The following ZNF385D variants were observed in gnomAD, a reference collection of about 807,000 sequenced individuals.
The protein encoded by ZNF385D is zinc finger protein 659.
ZNF385D carries 15 observed loss-of-function variants against 35.8 expected under a neutral mutation model. The observed-to-expected ratio is 0.42, with a 90% CI of 0.28 to 0.64. The LOEUF is 0.64. ZNF385D is among the 30% of genes least tolerant of loss of function. ZNF385D has a pLI of 0.23. For synonymous variants in ZNF385D, 212 were observed against 186.8 expected (o/e 1.13, Z -1.10); for missense variants, 474 against 494.6 (o/e 0.96, Z 0.39).
chr3:22,272,589 A>G (rs1017549625), intron 2 of ZNF385D, among the ~76,000 whole-genome samples: 3 of 152,016 alleles, frequency 2.0e-5, no homozygotes, highest in Non-Finnish European at 4.4e-5. Context: ...TAGTTTAGGT[A>G]TGGGCATTGT....
At chr3:21,931,984 G>A (rs751730627) in intron 3 of ZNF385D, among the ~76,000 whole-genome samples, 4 of 151,552 alleles carry the variant, frequency 2.6e-5, no homozygotes, top group Non-Finnish European at 2.9e-5. Flanking sequence ...TGGCTAACAC[G>A]GTGAAACCCC....
At chr3:22,372,417 G>C in intron 2 of ZNF385D, 1 of 982,650 alleles carries the variant, frequency 1.0e-6, no homozygotes, top group Non-Finnish European at 1.2e-6. Flanking sequence ...TCCGCCACCT[G>C]AACCGAGACA....
intron 3 of ZNF385D, among the ~76,000 whole-genome samples, chr3:21,807,776 T>A (rs1262722957): frequency 2.6e-5 from 4 of 152,340 alleles, no homozygotes; most frequent in African/African-American, 9.6e-5. Flanking sequence ...TATTTTTCAA[T>A]GGCATCTTCA....
chr3:21,450,919 T>C (rs1329175481), intron 4 of ZNF385D, among the ~76,000 whole-genome samples: 1 of 152,190 alleles, frequency 6.6e-6, no homozygotes, highest in African/African-American at 2.4e-5. Context: ...TCTGAGTTAA[T>C]AAATGTTTCC....
At chr3:21,640,796 G>C (rs1050103101) in intron 2 of ZNF385D, among the ~76,000 whole-genome samples, 1 of 152,068 alleles carries the variant, frequency 6.6e-6, no homozygotes, top group African/African-American at 2.4e-5. Context: ...ATTTTTCTAG[G>C]CACTGAGAAG....
intron 3 of ZNF385D, among the ~76,000 whole-genome samples, chr3:21,965,379 A>G (rs1702857230): frequency 6.6e-6 from 1 of 152,204 alleles, no homozygotes; most frequent in Non-Finnish European, 1.5e-5. Context: ...GGGAAACACA[A>G]ATGAGCAAGA....
At chr3:22,022,199 A>G (rs1697261983) in intron 3 of ZNF385D, among the ~76,000 whole-genome samples, 1 of 152,152 alleles carries the variant, frequency 6.6e-6, no homozygotes, top group South Asian at 2.1e-4. Context: ...ACTAAATGAG[A>G]CAACTTATAC....
At chr3:21,702,774 G>A (rs2067738952) in intron 1 of ZNF385D, among the ~76,000 whole-genome samples, 1 of 152,088 alleles carries the variant, frequency 6.6e-6, no homozygotes, top group African/African-American at 2.4e-5. Flanking sequence ...AAATCTCTAT[G>A]GCAGGTGCAA....
chr3:21,740,917 C>A (rs540769673), intron 1 of ZNF385D, among the ~76,000 whole-genome samples: 6 of 152,242 alleles, frequency 3.9e-5, no homozygotes, highest in African/African-American at 1.4e-4. Flanking sequence ...TATACTGGAC[C>A]GGGATAGCGC....
At chr3:22,261,918 T>TG (rs1553638508) in intron 2 of ZNF385D, among the ~76,000 whole-genome samples, 1 of 151,966 alleles carries the variant, frequency 6.6e-6, no homozygotes, top group African/African-American at 2.4e-5. Context: ...TTAACCTTTT[T>TG]TTGTTGTTGT....
chr3:21,655,999 A>G (rs2066059635), intron 2 of ZNF385D, among the ~76,000 whole-genome samples: 1 of 151,960 alleles, frequency 6.6e-6, no homozygotes. Flanking sequence ...AAAAAAGGCA[A>G]TATATCGTGT....
At chr3:22,241,474 C>T (rs1190184939) in intron 2 of ZNF385D, among the ~76,000 whole-genome samples, 2 of 151,200 alleles carry the variant, frequency 1.3e-5, no homozygotes, top group Non-Finnish European at 2.9e-5. Flanking sequence ...TTGCTTCATC[C>T]ACTGACTCAG....
chr3:21,866,106 G>A (rs1205792080), intron 3 of ZNF385D, among the ~76,000 whole-genome samples: 1 of 151,824 alleles, frequency 6.6e-6, no homozygotes, highest in Non-Finnish European at 1.5e-5. Flanking sequence ...TTAACAGGTT[G>A]TAAACATATG....
At chr3:21,473,319 A>G (rs233136) in intron 4 of ZNF385D, among the ~76,000 whole-genome samples, 141,994 of 151,788 alleles carry the variant, frequency 0.94, 66,528 homozygotes, top group African/African-American at 0.98. Context: ...CTGTTTCCCA[A>G]ATTAACTCCC....
chr3:21,527,747 G>GAAA (rs1363475243), intron 3 of ZNF385D, among the ~76,000 whole-genome samples: 9 of 126,926 alleles, frequency 7.1e-5, no homozygotes, highest in Non-Finnish European at 3.4e-5. Flanking sequence ...GCTCACTGCA[G>GAAA]AAAAACTATG....
At chr3:21,989,679 TA>T (rs11325097) in intron 3 of ZNF385D, among the ~76,000 whole-genome samples, 43,560 of 148,806 alleles carry the variant, frequency 0.29, 7,015 homozygotes, top group African/African-American at 0.45. Context: ...ACAATAATAA[TA>T]AAAAAAAAAG....
At chr3:21,884,487 C>A (rs978419152) in intron 3 of ZNF385D, among the ~76,000 whole-genome samples, 1 of 151,972 alleles carries the variant, frequency 6.6e-6, no homozygotes, top group Non-Finnish European at 1.5e-5. Context: ...ATGTTAGAGC[C>A]AGCTTGTAAG....
At chr3:21,879,994 G>A (rs1317831039) in intron 3 of ZNF385D, among the ~76,000 whole-genome samples, 1 of 151,802 alleles carries the variant, frequency 6.6e-6, no homozygotes. Context: ...GTCTCTCCCT[G>A]GCATCATTAA....
At chr3:22,065,893 G>C (rs906545443) in intron 3 of ZNF385D, among the ~76,000 whole-genome samples, 5 of 152,186 alleles carry the variant, frequency 3.3e-5, no homozygotes, top group African/African-American at 1.2e-4. Context: ...TAAAGATAAA[G>C]ACATCACGGA....
Sources: allele counts gnomAD v4.1 joint callset (sites outside exome capture counted in the v4.1 genomes callset), GRCh38; gene constraint gnomAD v4.1.1; transcripts MANE v1.5; gene names NCBI Gene and HGNC (gene_info 2026-07-23, HGNC 2026-07-21).